The following WASF3 variants were observed in gnomAD, a reference collection of about 807,000 sequenced individuals.
WASF3 encodes the protein WASP family member 3.
Under a neutral mutation model 46.6 loss-of-function variants are expected in WASF3, and 11 were observed. The ratio of observed to expected loss-of-function variants is 0.24; its 90% CI spans 0.15 to 0.39. The LOEUF (loss-of-function observed/expected upper bound fraction) is 0.39. Ranked by LOEUF, WASF3 falls within the 10% of genes least tolerant of loss-of-function variation. The pLI, the probability that WASF3 is intolerant of heterozygous loss-of-function variation, is 1.00. For missense variants in WASF3, 576 were observed against 669.8 expected (o/e 0.86, Z 1.55); for synonymous variants, 242 against 259.7 (o/e 0.93, Z 0.65).
intron 2 of WASF3, among the ~76,000 whole-genome samples, chr13:26,627,229 A>T (rs1239630427): frequency 6.6e-6 from 1 of 151,942 alleles, no homozygotes; most frequent in Admixed American, 6.6e-5. Flanking sequence ...GTAATATAAA[A>T]TTAATTAAAA....
chr13:26,620,305 G>T (rs892192170), intron 2 of WASF3, among the ~76,000 whole-genome samples: 1 of 151,718 alleles, frequency 6.6e-6, no homozygotes, highest in Admixed American at 6.6e-5. Context: ...AACAGATGTA[G>T]GTTCAAATAT....
chr13:26,544,289 C>A, the WASF3 span, among the ~76,000 whole-genome samples: 1 of 152,188 alleles, frequency 6.6e-6, no homozygotes, highest in Admixed American at 6.5e-5. Flanking sequence ...ACTCACTCTT[C>A]ATCCTTCTTG....
chr13:26,620,912 A>G (rs1881285104), intron 2 of WASF3, among the ~76,000 whole-genome samples: 1 of 152,200 alleles, frequency 6.6e-6, no homozygotes, highest in African/African-American at 2.4e-5. Flanking sequence ...TTCCATAGAC[A>G]CAAAGTTGCC....
At chr13:26,656,230 A>T (rs968171054) in intron 3 of WASF3, among the ~76,000 whole-genome samples, 3 of 152,208 alleles carry the variant, frequency 2.0e-5, no homozygotes, top group Non-Finnish European at 2.9e-5. Context: ...GATTTTCTTT[A>T]TACTTTGTTT....
At position 26,675,479 on chromosome 13, in the gene WASF3, CAT is replaced by C. The variant is rs1161230670; in HGVS notation, c.541-1068_541-1067del. On this transcript the variant is annotated intron_variant, in intron 6 of 9. Transcript: ENST00000335327. ...CTCCCTGACTTCCAGACTAGACACA[CAT>C]ACACACACACACACACACACACACA... 3.3e-4 allele frequency among the ~76,000 whole-genome samples: 16 copies of C among 47,952 alleles called. No homozygotes were observed. In the South Asian group the frequency reaches 0.011, roughly 33 times the overall value. The allele number at this position is 47,952 out of a possible 152,430, so 31.5% of individuals were successfully genotyped here. A position where few individuals can be genotyped will look rare whatever the true frequency, so the allele number is the denominator to read the frequency against.
intron 3 of WASF3, among the ~76,000 whole-genome samples, chr13:26,654,378 C>T (rs1435037185): frequency 6.6e-6 from 1 of 152,192 alleles, no homozygotes; most frequent in Non-Finnish European, 1.5e-5. Flanking sequence ...TGAAATACCA[C>T]CACCCACTTC....
chr13:26,540,954 C>T, the WASF3 span, among the ~76,000 whole-genome samples: 10 of 152,088 alleles, frequency 6.6e-5, no homozygotes, highest in South Asian at 2.1e-4. Flanking sequence ...AGTATATACG[C>T]GCGCAAAAAC....
intron 1 of WASF3, among the ~76,000 whole-genome samples, chr13:26,597,881 C>T (rs1051723098): frequency 2.6e-5 from 4 of 152,090 alleles, no homozygotes; most frequent in Admixed American, 1.3e-4. Context: ...GACATTTGGC[C>T]TGGTTCCAAG....
At chr13:26,673,732 A>C (rs895726055) in intron 6 of WASF3, among the ~76,000 whole-genome samples, 1 of 152,232 alleles carries the variant, frequency 6.6e-6, no homozygotes, top group African/African-American at 2.4e-5. Flanking sequence ...ATGCTTTAAA[A>C]GCCTTAAAAA....
At chr13:26,541,766 A>G in the WASF3 span, among the ~76,000 whole-genome samples, 1 of 145,594 alleles carries the variant, frequency 6.9e-6, no homozygotes, top group Admixed American at 6.8e-5. Context: ...TACAGGCATG[A>G]GCCACTGTGC....
chr13:26,683,751 C>T lies in WASF3; in HGVS notation c.1351+777C>T, dbSNP rs187646899. ...TAACCCTTTTGTCAGATGAAAGTCCCGCGTTGACCCCCTGACCACAAAACA... is the reference window on the plus strand; with the variant it reads ...TAACCCTTTTGTCAGATGAAAGTCCTGCGTTGACCCCCTGACCACAAAACA... On this transcript the variant is annotated intron_variant, in intron 9 of 9. Transcript: ENST00000335327. Among the ~76,000 whole-genome samples the T allele has an allele frequency of 9.9e-3, 1,507 of 152,170 alleles. 12 individuals carry two copies. The highest frequency in any genetic ancestry group is 0.037 in the South Asian group (176 of 4,810).
At chr13:26,574,511 C>A (rs1353900920) in intron 1 of WASF3, among the ~76,000 whole-genome samples, 2 of 150,544 alleles carry the variant, frequency 1.3e-5, no homozygotes, top group Non-Finnish European at 3.0e-5. Context: ...AATTTTTGTT[C>A]CTTTATTTTT....
chr13:26,559,732 T>G lies in WASF3; in HGVS notation c.-109+1913T>G, dbSNP rs1879217393. ...TTCTTTGAAGAGTACTCCCAGATTGTTTTTCACTTTGGGTGGCTCTCCATT... is the reference window on the plus strand; with the variant it reads ...TTCTTTGAAGAGTACTCCCAGATTGGTTTTCACTTTGGGTGGCTCTCCATT... On this transcript the variant is annotated intron_variant, in intron 1 of 9. Transcript: ENST00000335327. Among the ~76,000 whole-genome samples the G allele has an allele frequency of 2.6e-5, 4 of 152,078 alleles. No homozygotes were observed. In the South Asian group the frequency reaches 6.2e-4, roughly 24 times the overall value.
At chr13:26,552,313 T>A in the WASF3 span, among the ~76,000 whole-genome samples, 2 of 150,416 alleles carry the variant, frequency 1.3e-5, no homozygotes, top group South Asian at 4.2e-4. Context: ...CAACAAATGT[T>A]TGTTATTTTT....
chr13:26,593,296 G>A (rs1002554147), intron 1 of WASF3, among the ~76,000 whole-genome samples: 1 of 152,180 alleles, frequency 6.6e-6, no homozygotes, highest in Non-Finnish European at 1.5e-5. Context: ...CGTACTGCTT[G>A]CCGGTGCCTC....
In WASF3 at chr13:26,686,298, T is replaced by C. The variant is rs1395103288; in HGVS notation, c.*453T>C. ...GCTTTGGTTTTTCCTTTTGTTTTTT[T>C]AAAGGATGTGTTTCTGAATAAGTTG... On this transcript the variant is annotated 3_prime_UTR_variant, in exon 10 of 10. Transcript: ENST00000335327. 6.5e-6 allele frequency: 1 copy of C among 154,426 alleles called. No individual in the cohort carries two copies. Among genetic ancestry groups the C allele is most frequent in the African/African-American group, 2.4e-5 (1 of 41,518 alleles). 9.6% of individuals were successfully genotyped at this position (154,426 alleles called of 1,614,324 possible). A position where few individuals can be genotyped will look rare whatever the true frequency, so the allele number is the denominator to read the frequency against.
At chr13:26,593,940 A>G (rs1260965317) in intron 1 of WASF3, among the ~76,000 whole-genome samples, 2 of 152,184 alleles carry the variant, frequency 1.3e-5, no homozygotes, top group Non-Finnish European at 2.9e-5. Context: ...GTTTTATTAC[A>G]TACATAACAC....
At chr13:26,636,302 G>A (rs1881818220) in intron 2 of WASF3, among the ~76,000 whole-genome samples, 1 of 152,270 alleles carries the variant, frequency 6.6e-6, no homozygotes, top group Non-Finnish European at 1.5e-5. Flanking sequence ...CTCCGCAGGT[G>A]TGGTACCCAC....
At chr13:26,589,086 G>T (rs1192081180) in intron 1 of WASF3, among the ~76,000 whole-genome samples, 1 of 152,160 alleles carries the variant, frequency 6.6e-6, no homozygotes, top group African/African-American at 2.4e-5. Flanking sequence ...GAGCTACTGT[G>T]CCTGGCCCTG....
Sources: gnomAD v4.1 joint callset for allele counts (sites outside exome capture counted in the v4.1 genomes callset) on GRCh38, gnomAD v4.1.1 for gene constraint, MANE v1.5 for transcripts, NCBI Gene and HGNC (gene_info 2026-07-23, HGNC 2026-07-21) for gene names.